TEX11: variants seen among roughly 807,000 people sequenced by gnomAD.
The protein encoded by TEX11 is testis-expressed protein 11.
Under a neutral mutation model 84.4 loss-of-function variants are expected in TEX11, and 7 were observed. The observed-to-expected ratio is 0.08, with a 90% CI of 0.05 to 0.16. The LOEUF is 0.16. Ranked by LOEUF, TEX11 falls within the 10% of genes least tolerant of loss-of-function variation. The probability of loss-of-function intolerance (pLI) is 1.00; values close to 1 mark genes in which losing one functional copy is unlikely to be tolerated. For missense variants in TEX11, 551 were observed against 660.5 expected (o/e 0.83, Z 1.82); for synonymous variants, 264 against 222.8 (o/e 1.18, Z -1.64).
At chrX:70,643,475 C>T (rs2089692785) in intron 17 of TEX11, among the ~76,000 whole-genome samples, 1 of 86,907 alleles carries the variant, frequency 1.2e-5, no homozygotes, top group Non-Finnish European at 2.2e-5. Context: ...CAATCCTAAG[C>T]CAAAAGAACA....
intron 16 of TEX11, among the ~76,000 whole-genome samples, chrX:70,668,366 G>C (rs5980726): frequency 0.21 from 22,871 of 111,484 alleles, 1,850 homozygotes; most frequent in African/African-American, 0.24. Context: ...ACACTGGCGA[G>C]GTGGGATTAT....
chrX:70,708,120 A>G (rs1419542345), intron 13 of TEX11, among the ~76,000 whole-genome samples: 1 of 111,309 alleles, frequency 9.0e-6, no homozygotes, highest in Non-Finnish European at 1.9e-5. Context: ...AAATAGCCTC[A>G]TTAAAAAATG....
intron 25 of TEX11, among the ~76,000 whole-genome samples, chrX:70,581,301 T>A (rs2147480446): frequency 1.0e-5 from 1 of 98,260 alleles, no homozygotes; most frequent in African/African-American, 3.7e-5. Flanking sequence ...TTGCTTTTTT[T>A]TTTTTTTTTT....
At chrX:70,750,931 AAAATATATATATATAT>A (rs2090815719) in intron 9 of TEX11, among the ~76,000 whole-genome samples, 1 of 21,991 alleles carries the variant, frequency 4.5e-5, no homozygotes, top group Non-Finnish European at 9.1e-5. Flanking sequence ...TAAAAAAAAA[AAAATATATATATATAT>A]ATATATATAT....
chrX:70,841,794 G>C (rs1392942999), intron 7 of TEX11, among the ~76,000 whole-genome samples: 3 of 110,652 alleles, frequency 2.7e-5, no homozygotes, highest in African/African-American at 9.9e-5. Context: ...AATGATAAAG[G>C]GGATATCACC....
At chrX:70,610,843 T>C (rs2089252357) in intron 20 of TEX11, among the ~76,000 whole-genome samples, 1 of 112,191 alleles carries the variant, frequency 8.9e-6, no homozygotes, top group Non-Finnish European at 1.9e-5. Context: ...CAGCTGGTGA[T>C]CTCTGTGATT....
chrX:70,743,871 A>AACACACACACAC (rs60520158), intron 10 of TEX11, among the ~76,000 whole-genome samples: 15 of 87,738 alleles, frequency 1.7e-4, no homozygotes, highest in East Asian at 7.7e-4. Flanking sequence ...TCTATCTCAA[A>AACACACACACAC]ACACACACAC....
At chrX:70,817,460 A>G (rs2091294628) in intron 8 of TEX11, among the ~76,000 whole-genome samples, 1 of 112,235 alleles carries the variant, frequency 8.9e-6, no homozygotes, top group Non-Finnish European at 1.9e-5. Flanking sequence ...ACGTGCCTGT[A>G]GTCCCAGAAG....
chrX:70,765,108 G>C (rs75487710), intron 9 of TEX11, among the ~76,000 whole-genome samples: 1 of 111,178 alleles, frequency 9.0e-6, no homozygotes, highest in Non-Finnish European at 1.9e-5. Flanking sequence ...ATATATGGCC[G>C]AGTGCGGTGG....
intron 8 of TEX11, among the ~76,000 whole-genome samples, chrX:70,829,481 C>CA (rs60664977): frequency 0.037 from 2,676 of 72,619 alleles, 172 homozygotes; most frequent in African/African-American, 0.15. Context: ...CATTCCGTCT[C>CA]AAAAAAAAAA....
At chrX:70,870,901 GTGATTC>G (rs2091626238) in intron 4 of TEX11, among the ~76,000 whole-genome samples, 1 of 111,164 alleles carries the variant, frequency 9.0e-6, no homozygotes, top group Non-Finnish European at 1.9e-5. Flanking sequence ...GGCTTCACAG[GTGATTC>G]TGATTTTTTG....
intron 9 of TEX11, among the ~76,000 whole-genome samples, chrX:70,758,762 T>A (rs1310430017): frequency 9.0e-6 from 1 of 111,262 alleles, no homozygotes; most frequent in East Asian, 2.8e-4. Flanking sequence ...AAGAAATAAC[T>A]AAGATCAGAG....
intron 25 of TEX11, among the ~76,000 whole-genome samples, chrX:70,567,314 G>C (rs1387738526): frequency 2.7e-5 from 3 of 110,897 alleles, no homozygotes; most frequent in Non-Finnish European, 5.7e-5. Context: ...TATTAGTCTT[G>C]CTAGAGGTCT....
At chrX:70,762,619 T>C (rs943315701) in intron 9 of TEX11, among the ~76,000 whole-genome samples, 3 of 111,248 alleles carry the variant, frequency 2.7e-5, no homozygotes, top group South Asian at 7.7e-4. Context: ...TGATCTGAGA[T>C]GAAAGAGTTT....
At chrX:70,737,097 A>G (rs1384005104) in intron 11 of TEX11, among the ~76,000 whole-genome samples, 1 of 111,739 alleles carries the variant, frequency 8.9e-6, no homozygotes, top group African/African-American at 3.2e-5. Context: ...AGACATTAAA[A>G]GAGTAAGTAT....
At chrX:70,515,593 A>G in the TEX11 span, among the ~76,000 whole-genome samples, 444 of 112,071 alleles carry the variant, frequency 4.0e-3, 2 homozygotes, top group Non-Finnish European at 7.0e-3. Flanking sequence ...GTGTGCATGC[A>G]TCTTTATAGT....
At chrX:70,708,938 A>AC (rs1312194387) in intron 13 of TEX11, among the ~76,000 whole-genome samples, 3 of 109,795 alleles carry the variant, frequency 2.7e-5, no homozygotes, top group African/African-American at 9.9e-5. Flanking sequence ...TAAAAAAAAA[A>AC]AAAACTCCTT....
chrX:70,577,781 G>A (rs746429885), intron 25 of TEX11, among the ~76,000 whole-genome samples: 3 of 90,154 alleles, frequency 3.3e-5, no homozygotes, highest in African/African-American at 1.1e-4. Flanking sequence ...AGGTTGGAGT[G>A]CAGTGGCAGG....
intron 7 of TEX11, among the ~76,000 whole-genome samples, chrX:70,844,396 T>G (rs1209922454): frequency 1.1e-5 from 1 of 93,995 alleles, no homozygotes; most frequent in African/African-American, 4.1e-5. Flanking sequence ...TCACTCATAG[T>G]TGGGAATTGA....
Sources: allele counts gnomAD v4.1 joint callset (sites outside exome capture counted in the v4.1 genomes callset), GRCh38; gene constraint gnomAD v4.1.1; transcripts MANE v1.5; gene names NCBI Gene and HGNC (gene_info 2026-07-23, HGNC 2026-07-21).